Variants in METTL21A observed in about 807,000 individuals in gnomAD.
The protein encoded by METTL21A is protein N-lysine methyltransferase METTL21A.
In METTL21A, 22 loss-of-function variants were observed where a neutral mutation model predicts 20.9. The ratio of observed to expected loss-of-function variants is 1.05; its 90% CI spans 0.75 to 1.50. The LOEUF (loss-of-function observed/expected upper bound fraction) is 1.50. Ranked by LOEUF, METTL21A falls within the 40% of genes most tolerant of loss-of-function variation. METTL21A has a pLI of 0.00. For synonymous variants in METTL21A, 93 were observed against 102.0 expected, an observed-to-expected ratio of 0.91 and a Z score of 0.53; for missense variants, 271 against 266.8, an observed-to-expected ratio of 1.02 and a Z score of -0.11.
At chr2:207,620,075 G>C (rs1232793859) in intron 3 of METTL21A, among the ~76,000 whole-genome samples, 1 of 152,298 alleles carries the variant, frequency 6.6e-6, no homozygotes, top group South Asian at 2.1e-4. Context: ...TGGTTCTCAG[G>C]AGGAAACAGA....
At chr2:207,618,145 C>G (rs140712486) in intron 3 of METTL21A, among the ~76,000 whole-genome samples, 202 of 152,270 alleles carry the variant, frequency 1.3e-3, no homozygotes, top group African/African-American at 4.7e-3. Context: ...CAGTGGTCCC[C>G]AGCCTTGGCT....
At chr2:207,606,461 GAC>G (rs1559103334), downstream of METTL21A, among the ~76,000 whole-genome samples, 1 of 152,188 alleles carries the variant, frequency 6.6e-6, no homozygotes, top group Non-Finnish European at 1.5e-5. Flanking sequence ...CAGCCTGGGC[GAC>G]AGAGCAAGGC....
At chr2:207,603,780 A>G (rs992079796) in intron 3 of METTL21A, among the ~76,000 whole-genome samples, 2 of 152,202 alleles carry the variant, frequency 1.3e-5, no homozygotes, top group Non-Finnish European at 2.9e-5. Flanking sequence ...TTGCAATTCT[A>G]AAACTCTGTG....
At chr2:207,591,100 C>T (rs1374598885) in intron 3 of METTL21A, among the ~76,000 whole-genome samples, 1 of 152,162 alleles carries the variant, frequency 6.6e-6, no homozygotes, top group African/African-American at 2.4e-5. Context: ...AGTATCATAT[C>T]AATGTCAGAT....
At chr2:207,612,957 G>A (rs2089166097) in exon 4 of METTL21A, 1 of 1,360,806 alleles carries the variant, frequency 7.3e-7, no homozygotes, top group Non-Finnish European at 1.0e-6. Context: ...TTTTTGTACA[G>A]TAAGACATTT....
At chr2:207,625,320 G>A (rs550211562) in exon 1 of METTL21A, 1 of 152,196 alleles carries the variant, frequency 6.6e-6, no homozygotes, top group African/African-American at 2.4e-5. Flanking sequence ...GCCCCGGGCT[G>A]GCTGCGAAAA....
chr2:207,596,787 A>G (rs897488342), intron 3 of METTL21A: 15 of 1,079,134 alleles, frequency 1.4e-5, no homozygotes, highest in East Asian at 2.8e-5. Flanking sequence ...ATCTTTTCCA[A>G]TGCTTAATAT....
downstream of METTL21A, among the ~76,000 whole-genome samples, chr2:207,605,642 CCTT>C (rs1184744980): frequency 6.6e-6 from 1 of 152,148 alleles, no homozygotes; most frequent in African/African-American, 2.4e-5. Context: ...CCTCCCTCTC[CCTT>C]TTTTTACACA....
At chr2:207,617,513 A>T (rs2089931047) in intron 3 of METTL21A, among the ~76,000 whole-genome samples, 1 of 152,264 alleles carries the variant, frequency 6.6e-6, no homozygotes, top group African/African-American at 2.4e-5. Context: ...GTGTCCCAGG[A>T]ACTTCATGCA....
At chr2:207,592,520 A>G (rs986951559) in intron 3 of METTL21A, among the ~76,000 whole-genome samples, 5 of 152,180 alleles carry the variant, frequency 3.3e-5, no homozygotes, top group African/African-American at 1.2e-4. Flanking sequence ...AGCAATTCAA[A>G]TATAATATGC....
chr2:207,613,177 G>A lies in METTL21A; in HGVS notation c.526C>T (p.Arg176Cys), dbSNP rs763171322. The A allele has an allele frequency of 5.6e-6, 9 of 1,614,006 alleles. No homozygotes were observed. Among genetic ancestry groups the A allele is most frequent in the Middle Eastern group, 1.6e-4 (1 of 6,062 alleles). The change falls in exon 4 of 4, where the codon CGC becomes TGC. Residue 176 changes from arginine to cysteine, a missense_variant. By Grantham distance (180) the Arg-to-Cys change is radical (BLOSUM62 -3). Transcript: ENST00000406927. ...AAGAAGTTGTTATCCCGTTCATAGC[G>A]AATTCGGCATGCTAAAAGAATCACA...
intron 3 of METTL21A, chr2:207,600,384 T>C (rs1181226623): frequency 1.0e-5 from 2 of 190,798 alleles, no homozygotes; most frequent in Non-Finnish European, 2.2e-5. Flanking sequence ...CTTCTGGTAG[T>C]TTCTATGACT....
At chr2:207,605,717 T>C (rs1432962340), downstream of METTL21A, among the ~76,000 whole-genome samples, 1 of 152,162 alleles carries the variant, frequency 6.6e-6, no homozygotes, top group Admixed American at 6.5e-5. Flanking sequence ...GTTTAACCAG[T>C]CCTCTTCTGG....
At chr2:207,583,744 C>T (rs1012660107) in intron 3 of METTL21A, among the ~76,000 whole-genome samples, 2 of 152,168 alleles carry the variant, frequency 1.3e-5, no homozygotes, top group Admixed American at 6.5e-5. Flanking sequence ...GATGCAGTGT[C>T]ATGTATCTGT....
At chr2:207,596,744 T>G (rs2086250386) in intron 3 of METTL21A, among the ~76,000 whole-genome samples, 1 of 152,176 alleles carries the variant, frequency 6.6e-6, no homozygotes, top group African/African-American at 2.4e-5. Flanking sequence ...GATTAAAATT[T>G]TAATATAAGG....
chr2:207,582,811 C>G, intron 3 of METTL21A: 1 of 311,292 alleles, frequency 3.2e-6, no homozygotes, highest in South Asian at 2.5e-5. Flanking sequence ...AAGAATTGTG[C>G]GAACCTGGGA....
At chr2:207,583,562 A>C (rs1053440710) in intron 3 of METTL21A, among the ~76,000 whole-genome samples, 1 of 152,080 alleles carries the variant, frequency 6.6e-6, no homozygotes, top group Non-Finnish European at 1.5e-5. Flanking sequence ...AAGTTACTTC[A>C]CTCTGCTCCT....
At position 207,583,336 on chromosome 2, in the gene METTL21A, G is replaced by A. The variant is rs7588606; in HGVS notation, c.260-1176C>T. On this transcript the variant is annotated intron_variant, in intron 3 of 3. Coordinates refer to the METTL21A transcript ENST00000425132. ...TCTGACTCTAAGCTTTAACCACGTG[G>A]CTCATTTTAGACTTCTCTTTGCCTG... Among the ~76,000 whole-genome samples the A allele has an allele frequency of 1.5e-3, 235 of 152,218 alleles. 3 individuals are homozygous for A. Among genetic ancestry groups the A allele is most frequent in the African/African-American group, 5.4e-3 (225 of 41,556 alleles).
chr2:207,623,223 G>A (rs1027228748), intron 2 of METTL21A, among the ~76,000 whole-genome samples: 4 of 152,120 alleles, frequency 2.6e-5, no homozygotes, highest in Non-Finnish European at 1.5e-5. Flanking sequence ...ATTATTACCA[G>A]AGTAACTTCC....
Sources: gnomAD v4.1 joint callset for allele counts (sites outside exome capture counted in the v4.1 genomes callset) on GRCh38, gnomAD v4.1.1 for gene constraint, MANE v1.5 for transcripts, NCBI Gene and HGNC (gene_info 2026-07-23, HGNC 2026-07-21) for gene names.